Variants in CCSER1 observed in about 807,000 individuals in gnomAD.
CCSER1 encodes the protein coiled-coil serine rich protein 1.
CCSER1 carries 41 observed loss-of-function variants against 82.0 expected under a neutral mutation model. The ratio of observed to expected loss-of-function variants is 0.50; its 90% CI spans 0.39 to 0.65. CCSER1 has a LOEUF of 0.65. CCSER1 is among the 30% of genes least tolerant of loss of function. The pLI, the probability that CCSER1 is intolerant of heterozygous loss-of-function variation, is 0.00. For synonymous variants in CCSER1, 414 were observed against 383.9 expected (o/e 1.08, Z -0.92); for missense variants, 1,119 against 1,064.2 (o/e 1.05, Z -0.72).
At chr4:91,211,434 T>C (rs1289669703) in intron 10 of CCSER1, among the ~76,000 whole-genome samples, 1 of 152,088 alleles carries the variant, frequency 6.6e-6, no homozygotes, top group African/African-American at 2.4e-5. Context: ...TTGTACATTT[T>C]CCTCTTCTGG....
chr4:91,253,594 G>A (rs10016404), intron 10 of CCSER1, among the ~76,000 whole-genome samples: 83,329 of 151,996 alleles, frequency 0.55, 23,975 homozygotes, highest in African/African-American at 0.75. Flanking sequence ...AGGGGTGGCT[G>A]CTATACTAAT....
chr4:91,565,549 A>G (rs1009533774), intron 10 of CCSER1, among the ~76,000 whole-genome samples: 3 of 151,692 alleles, frequency 2.0e-5, no homozygotes, highest in Admixed American at 6.6e-5. Context: ...TTTTTTTTCC[A>G]TTTGTTTGTA....
chr4:91,147,733 C>G (rs1310449091), intron 10 of CCSER1, among the ~76,000 whole-genome samples: 1 of 152,010 alleles, frequency 6.6e-6, no homozygotes, highest in Non-Finnish European at 1.5e-5. Flanking sequence ...TAATTGTTCA[C>G]CAAAAATTCA....
intron 10 of CCSER1, among the ~76,000 whole-genome samples, chr4:91,198,371 A>G (rs1261350243): frequency 6.6e-6 from 1 of 152,048 alleles, no homozygotes; most frequent in African/African-American, 2.4e-5. Context: ...AAAAAAAAGT[A>G]TGGTGTTAAT....
chr4:91,045,550 GA>G (rs1742377677), intron 9 of CCSER1, among the ~76,000 whole-genome samples: 2 of 151,952 alleles, frequency 1.3e-5, no homozygotes, highest in African/African-American at 4.8e-5. Flanking sequence ...GGAGCACCTG[GA>G]AAAAAATCTG....
intron 4 of CCSER1, among the ~76,000 whole-genome samples, chr4:90,420,617 C>T (rs1756540353): frequency 1.3e-5 from 2 of 152,000 alleles, no homozygotes; most frequent in African/African-American, 2.4e-5. Context: ...AGGATTGCTT[C>T]AGTGACAAAG....
intron 9 of CCSER1, among the ~76,000 whole-genome samples, chr4:91,002,935 G>T (rs952151188): frequency 6.6e-6 from 1 of 152,152 alleles, no homozygotes; most frequent in Admixed American, 6.5e-5. Context: ...TTGTCCCACG[G>T]CATGTTCCCT....
intron 8 of CCSER1, among the ~76,000 whole-genome samples, chr4:90,852,730 AG>A (rs1417006809): frequency 6.6e-6 from 1 of 152,258 alleles, no homozygotes; most frequent in Admixed American, 6.5e-5. Flanking sequence ...TAAATGAAGT[AG>A]GACAATTAAT....
chr4:90,935,479 AAAAT>A (rs1162542209), intron 9 of CCSER1, among the ~76,000 whole-genome samples: 1 of 152,198 alleles, frequency 6.6e-6, no homozygotes, highest in Non-Finnish European at 1.5e-5. Context: ...ACCTTTTTTA[AAAAT>A]AAATAAACTA....
intron 1 of CCSER1, among the ~76,000 whole-genome samples, chr4:90,157,686 T>A (rs1419777478): frequency 6.6e-6 from 1 of 151,886 alleles, no homozygotes; most frequent in East Asian, 1.9e-4. Flanking sequence ...GGCTTCTGCA[T>A]TCTTCACGTA....
At chr4:90,997,000 C>T (rs1737555667) in intron 9 of CCSER1, among the ~76,000 whole-genome samples, 1 of 152,154 alleles carries the variant, frequency 6.6e-6, no homozygotes, top group Admixed American at 6.6e-5. Flanking sequence ...TTTCATTTCT[C>T]TGAAGTAAAT....
At chr4:90,634,987 C>A (rs554291946) in intron 6 of CCSER1, among the ~76,000 whole-genome samples, 1 of 151,644 alleles carries the variant, frequency 6.6e-6, no homozygotes, top group Non-Finnish European at 1.5e-5. Context: ...GAAAGCCATA[C>A]TTCATAATGG....
chr4:91,043,199 G>C (rs1278482471), intron 9 of CCSER1, among the ~76,000 whole-genome samples: 1 of 151,880 alleles, frequency 6.6e-6, no homozygotes, highest in African/African-American at 2.4e-5. Flanking sequence ...TCTAATTACA[G>C]TCCTGATGAT....
At chr4:90,560,315 G>A (rs1222678174) in intron 5 of CCSER1, among the ~76,000 whole-genome samples, 2 of 151,834 alleles carry the variant, frequency 1.3e-5, no homozygotes, top group African/African-American at 4.8e-5. Context: ...TTAAGGAAAT[G>A]TAGAACCAAA....
intron 7 of CCSER1, among the ~76,000 whole-genome samples, chr4:90,786,127 A>G (rs1754479087): frequency 6.6e-6 from 1 of 152,198 alleles, no homozygotes; most frequent in Non-Finnish European, 1.5e-5. Context: ...TTCATAATGC[A>G]GAATCAAAAG....
chr4:90,483,014 T>A (rs1284766974), intron 5 of CCSER1, among the ~76,000 whole-genome samples: 1 of 152,206 alleles, frequency 6.6e-6, no homozygotes, highest in Non-Finnish European at 1.5e-5. Flanking sequence ...TCTAAGTCAC[T>A]TTGTAGGTCA....
intron 3 of CCSER1, among the ~76,000 whole-genome samples, chr4:90,376,409 G>T (rs990629182): frequency 2.0e-5 from 3 of 152,150 alleles, no homozygotes; most frequent in African/African-American, 7.2e-5. Context: ...AGATAGATTT[G>T]CCCTAGACTT....
chr4:91,078,158 G>A (rs1465854436), intron 9 of CCSER1, among the ~76,000 whole-genome samples: 5 of 152,204 alleles, frequency 3.3e-5, no homozygotes, highest in South Asian at 4.1e-4. Context: ...GCAGGTTCCT[G>A]ACCCCTGAGT....
intron 2 of CCSER1, among the ~76,000 whole-genome samples, chr4:90,312,097 T>C (rs1190035176): frequency 6.6e-6 from 1 of 152,192 alleles, no homozygotes; most frequent in African/African-American, 2.4e-5. Context: ...AGGTAACATA[T>C]TGGTAAAGGT....
Sources: allele counts gnomAD v4.1 joint callset (sites outside exome capture counted in the v4.1 genomes callset), GRCh38; gene constraint gnomAD v4.1.1; transcripts MANE v1.5; gene names NCBI Gene and HGNC (gene_info 2026-07-23, HGNC 2026-07-21).